The following SPTLC3 variants were observed in gnomAD, a reference collection of about 807,000 sequenced individuals.
SPTLC3 encodes serine palmitoyltransferase 3.
Under a neutral mutation model 59.3 loss-of-function variants are expected in SPTLC3, and 36 were observed. That is an observed-to-expected ratio of 0.61 (90% CI 0.47 to 0.80). The LOEUF is 0.80. Among genes scored for constraint, SPTLC3 ranks in the 30% least tolerant of loss-of-function variants. The probability of loss-of-function intolerance (pLI) is 0.00; values close to 1 mark genes in which losing one functional copy is unlikely to be tolerated. For missense variants in SPTLC3, 625 were observed against 685.1 expected (o/e 0.91, Z 0.98); for synonymous variants, 257 against 240.8 (o/e 1.07, Z -0.62).
intron 1 of SPTLC3, among the ~76,000 whole-genome samples, chr20:13,027,288 G>T (rs763841560): frequency 6.6e-6 from 1 of 152,078 alleles, no homozygotes; most frequent in African/African-American, 2.4e-5. Flanking sequence ...TGATCCTTAC[G>T]TCTGTACGTC....
intron 2 of SPTLC3, among the ~76,000 whole-genome samples, chr20:13,070,670 C>G (rs138071768): frequency 6.6e-5 from 10 of 152,116 alleles, no homozygotes; most frequent in African/African-American, 2.4e-4. Context: ...GCAAATGCTT[C>G]GGGTCCTCAA....
chr20:13,090,978 C>T, intron 4 of SPTLC3, 105 bp from the exon 5 acceptor site: 1 of 1,472,362 alleles, frequency 6.8e-7, no homozygotes, highest in Non-Finnish European at 9.2e-7. Context: ...GCTACAAGCA[C>T]TCTTGTATAG....
At chr20:13,065,813 T>G (rs1988182707) in intron 2 of SPTLC3, among the ~76,000 whole-genome samples, 1 of 109,964 alleles carries the variant, frequency 9.1e-6, no homozygotes, top group Non-Finnish European at 2.1e-5. Flanking sequence ...ATATTTATAG[T>G]GTACAATATG....
chr20:13,081,218 C>T (rs1988832270), intron 4 of SPTLC3, among the ~76,000 whole-genome samples: 1 of 152,156 alleles, frequency 6.6e-6, no homozygotes, highest in Non-Finnish European at 1.5e-5. Context: ...CTGATGCAAA[C>T]TTACCTGATG....
chr20:13,028,306 A>G (rs1986257754), intron 1 of SPTLC3, among the ~76,000 whole-genome samples: 2 of 152,308 alleles, frequency 1.3e-5, no homozygotes, highest in Middle Eastern at 3.4e-3. Context: ...AAAGTGTGAA[A>G]GCTCAGGGGG....
intron 4 of SPTLC3, among the ~76,000 whole-genome samples, chr20:13,076,543 A>G (rs1988652369): frequency 6.6e-6 from 1 of 152,162 alleles, no homozygotes; most frequent in Admixed American, 6.5e-5. Context: ...AATAAAATCC[A>G]TGTAACAAAA....
intron 1 of SPTLC3, among the ~76,000 whole-genome samples, chr20:13,044,104 C>T (rs4814187): frequency 0.05 from 6,389 of 127,856 alleles, 167 homozygotes; most frequent in Middle Eastern, 0.091. Context: ...TCTTTTTTTT[C>T]TTTTTTTTTT....
At chr20:13,112,436 CT>C (rs1321056204) in intron 7 of SPTLC3, among the ~76,000 whole-genome samples, 4 of 152,232 alleles carry the variant, frequency 2.6e-5, no homozygotes, top group Non-Finnish European at 5.9e-5. Context: ...GACATTATCA[CT>C]TCTGCCCTGA....
intron 9 of SPTLC3, among the ~76,000 whole-genome samples, chr20:13,132,171 A>AT (rs35718222): frequency 0.063 from 6,532 of 103,982 alleles, 316 homozygotes; most frequent in African/African-American, 0.11. Context: ...CCTTGCTTTA[A>AT]TTTTTTTTTT....
chr20:13,077,072 T>A (rs1330879794), intron 4 of SPTLC3, among the ~76,000 whole-genome samples: 1 of 152,102 alleles, frequency 6.6e-6, no homozygotes, highest in Non-Finnish European at 1.5e-5. Context: ...AAGGGAGACT[T>A]TGACTCCTTT....
chr20:13,132,466 G>A (rs2038143330), intron 9 of SPTLC3, among the ~76,000 whole-genome samples: 2 of 151,780 alleles, frequency 1.3e-5, no homozygotes, highest in Admixed American at 6.6e-5. Flanking sequence ...CGTGAGGACC[G>A]CACCCAGCCG....
chr20:13,142,439 G>T (rs770896085), intron 9 of SPTLC3, among the ~76,000 whole-genome samples: 1 of 152,184 alleles, frequency 6.6e-6, no homozygotes, highest in African/African-American at 2.4e-5. Flanking sequence ...ATCTTCCAGG[G>T]TAAAGGGGAA....
At chr20:13,075,921 G>A (rs1308113213) in intron 4 of SPTLC3, among the ~76,000 whole-genome samples, 2 of 152,170 alleles carry the variant, frequency 1.3e-5, no homozygotes, top group African/African-American at 4.8e-5. Context: ...CACTTACAGG[G>A]GAAGCCAGAT....
chr20:13,044,298 C>T (rs1987133578), intron 1 of SPTLC3, among the ~76,000 whole-genome samples: 2 of 152,028 alleles, frequency 1.3e-5, no homozygotes. Context: ...GACAGAGTTT[C>T]ACCATGTTGG....
At chr20:13,048,134 C>A (rs1038037196) in intron 1 of SPTLC3, among the ~76,000 whole-genome samples, 8 of 152,110 alleles carry the variant, frequency 5.3e-5, no homozygotes, top group Non-Finnish European at 1.0e-4. Flanking sequence ...AGCTAACTAT[C>A]CTAAATATAT....
intron 8 of SPTLC3, 145 bp from the exon 9 acceptor site, chr20:13,126,446 C>T (rs1020771178): frequency 9.9e-6 from 9 of 906,200 alleles, no homozygotes; most frequent in African/African-American, 6.8e-5. Flanking sequence ...TTGATGAAAA[C>T]CATTGAAAGT....
At chr20:13,150,012 A>C (rs1270410653) in intron 9 of SPTLC3, among the ~76,000 whole-genome samples, 2 of 152,192 alleles carry the variant, frequency 1.3e-5, no homozygotes, top group Non-Finnish European at 2.9e-5. Context: ...TTGTGTAGCT[A>C]ATGATCCGCA....
At chr20:13,022,192 C>A (rs1231753926) in intron 1 of SPTLC3, among the ~76,000 whole-genome samples, 1 of 152,150 alleles carries the variant, frequency 6.6e-6, no homozygotes, top group South Asian at 2.1e-4. Flanking sequence ...GACTTTTCTC[C>A]TTCATTCTAT....
At chr20:13,122,261 CAA>C (rs1670002669) in intron 8 of SPTLC3, among the ~76,000 whole-genome samples, 2 of 152,160 alleles carry the variant, frequency 1.3e-5, no homozygotes, top group Admixed American at 1.3e-4. Flanking sequence ...TTTGGAGAAA[CAA>C]GAGAGATAGA....
Sources: gnomAD v4.1 joint callset for allele counts (sites outside exome capture counted in the v4.1 genomes callset) on GRCh38, gnomAD v4.1.1 for gene constraint, MANE v1.5 for transcripts, NCBI Gene and HGNC (gene_info 2026-07-23, HGNC 2026-07-21) for gene names.